The following GRID2 variants were observed in gnomAD, a reference collection of about 807,000 sequenced individuals.
The protein encoded by GRID2 is glutamate ionotropic receptor delta type subunit 2.
Under a neutral mutation model 114.8 loss-of-function variants are expected in GRID2, and 33 were observed. The observed-to-expected ratio is 0.29, with a 90% CI of 0.22 to 0.38. The LOEUF is 0.38. GRID2 is among the 10% of genes least tolerant of loss of function. The pLI, the probability that GRID2 is intolerant of heterozygous loss-of-function variation, is 1.00. For missense variants in GRID2, 1,184 were observed against 1,257.7 expected (o/e 0.94, Z 0.89); for synonymous variants, 505 against 449.9 (o/e 1.12, Z -1.55).
At chr4:92,445,931 C>T (rs1004508067) in intron 1 of GRID2, among the ~76,000 whole-genome samples, 2 of 151,862 alleles carry the variant, frequency 1.3e-5, no homozygotes, top group Admixed American at 6.6e-5. Context: ...CAGTATAAAA[C>T]TCTTATCTCA....
intron 4 of GRID2, among the ~76,000 whole-genome samples, chr4:93,142,437 A>C (rs1308720672): frequency 6.6e-6 from 1 of 152,140 alleles, no homozygotes; most frequent in East Asian, 1.9e-4. Flanking sequence ...CTGTCACCTC[A>C]TATGGCAGAC....
At chr4:92,532,404 C>G (rs1214177359) in intron 1 of GRID2, among the ~76,000 whole-genome samples, 1 of 152,138 alleles carries the variant, frequency 6.6e-6, no homozygotes, top group Non-Finnish European at 1.5e-5. Context: ...CTAGGCTAAA[C>G]AGAATTTCTC....
intron 1 of GRID2, among the ~76,000 whole-genome samples, chr4:92,554,442 A>C (rs1726752152): frequency 6.6e-6 from 1 of 152,136 alleles, no homozygotes; most frequent in South Asian, 2.1e-4. Flanking sequence ...CATTTTTTTC[A>C]AATTTATAGA....
chr4:92,664,929 G>A (rs989915500), intron 2 of GRID2, among the ~76,000 whole-genome samples: 2 of 147,790 alleles, frequency 1.4e-5, no homozygotes, highest in African/African-American at 2.5e-5. Flanking sequence ...TGGATCCAAA[G>A]TGAATCTTTA....
At chr4:92,778,159 T>C (rs1738895811) in intron 2 of GRID2, among the ~76,000 whole-genome samples, 1 of 152,128 alleles carries the variant, frequency 6.6e-6, no homozygotes, top group Non-Finnish European at 1.5e-5. Flanking sequence ...CCACTGACCT[T>C]ATGTTCCCAT....
chr4:93,077,460 T>C (rs912965764), intron 2 of GRID2, among the ~76,000 whole-genome samples: 2 of 152,212 alleles, frequency 1.3e-5, no homozygotes. Context: ...AAATATTCTG[T>C]CATTCATCCA....
At chr4:93,108,928 C>G (rs1029057319) in intron 3 of GRID2, among the ~76,000 whole-genome samples, 2 of 152,144 alleles carry the variant, frequency 1.3e-5, no homozygotes, top group Non-Finnish European at 2.9e-5. Context: ...CACACTGGGC[C>G]TCTGACATGT....
chr4:93,330,713 A>C (rs1027639234), intron 8 of GRID2, among the ~76,000 whole-genome samples: 41 of 152,094 alleles, frequency 2.7e-4, no homozygotes, highest in Admixed American at 7.2e-4. Flanking sequence ...GTCTGTATAC[A>C]CACAATTCCA....
At chr4:92,706,771 T>G (rs1734977701) in intron 2 of GRID2, among the ~76,000 whole-genome samples, 1 of 152,176 alleles carries the variant, frequency 6.6e-6, no homozygotes, top group South Asian at 2.1e-4. Flanking sequence ...CCAGCATACA[T>G]TTGGTGTGGT....
At chr4:92,865,758 G>A (rs556971206) in intron 2 of GRID2, among the ~76,000 whole-genome samples, 11 of 152,206 alleles carry the variant, frequency 7.2e-5, no homozygotes, top group Admixed American at 1.3e-4. Context: ...TAAATGGGAC[G>A]ACTGACTGAA....
chr4:92,694,434 C>T (rs558770299), intron 2 of GRID2, among the ~76,000 whole-genome samples: 8 of 152,268 alleles, frequency 5.3e-5, no homozygotes, highest in East Asian at 3.9e-4. Context: ...CTGTGTTCAG[C>T]GCTACAGGGC....
intron 2 of GRID2, among the ~76,000 whole-genome samples, chr4:92,642,561 T>C (rs1404033738): frequency 6.6e-6 from 1 of 151,932 alleles, no homozygotes; most frequent in Non-Finnish European, 1.5e-5. Context: ...TTTGCAGATA[T>C]GTTCTCTTGT....
intron 14 of GRID2, among the ~76,000 whole-genome samples, chr4:93,732,921 TA>T (rs67636690): frequency 0.42 from 54,340 of 130,222 alleles, 10,288 homozygotes; most frequent in East Asian, 0.72. Flanking sequence ...CTTTAAAAAA[TA>T]AAAAAAAAAA....
intron 13 of GRID2, among the ~76,000 whole-genome samples, chr4:93,602,960 A>C (rs546969951): frequency 6.4e-4 from 98 of 152,376 alleles, no homozygotes; most frequent in South Asian, 1.5e-3. Flanking sequence ...CTGTAATCCC[A>C]GCACTTTGGG....
At chr4:92,682,503 A>G (rs1229751758) in intron 2 of GRID2, among the ~76,000 whole-genome samples, 1 of 152,144 alleles carries the variant, frequency 6.6e-6, no homozygotes, top group Non-Finnish European at 1.5e-5. Flanking sequence ...GTATACTTCC[A>G]TTTCATATCT....
chr4:93,241,119 A>G (rs1747459538), intron 8 of GRID2, among the ~76,000 whole-genome samples: 1 of 151,878 alleles, frequency 6.6e-6, no homozygotes, highest in South Asian at 2.1e-4. Flanking sequence ...GTGGTATTAT[A>G]GTCTATAAAT....
chr4:92,939,638 C>T (rs1578537464), intron 2 of GRID2, among the ~76,000 whole-genome samples: 1 of 147,188 alleles, frequency 6.8e-6, no homozygotes, highest in African/African-American at 2.4e-5. Context: ...GAAGTCCTTG[C>T]CCATGCCTAT....
intron 2 of GRID2, among the ~76,000 whole-genome samples, chr4:92,878,432 A>G (rs1426887111): frequency 2.0e-5 from 3 of 152,224 alleles, no homozygotes; most frequent in South Asian, 4.1e-4. Flanking sequence ...GTTTGTTTAG[A>G]GTAATATTGG....
At position 92,600,044 on chromosome 4, in the gene GRID2, GTATATATATATA is replaced by G. The variant is rs70942915; in HGVS notation, c.244+9792_244+9803del. Among the ~76,000 whole-genome samples the G allele has an allele frequency of 4.2e-3, 231 of 54,436 alleles. 3 individuals are homozygous for G. Among genetic ancestry groups the G allele is most frequent in the East Asian group, 6.0e-3 (11 of 1,846 alleles). 35.7% of individuals were successfully genotyped at this position (54,436 alleles called of 152,430 possible). A position where few individuals can be genotyped will look rare whatever the true frequency, so the allele number is the denominator to read the frequency against. On this transcript the variant is annotated intron_variant, in intron 2 of 15. Coordinates refer to ENST00000282020, the MANE Select transcript of GRID2 (RefSeq NM_001510.4). ...CATGTATGTGTGTGTGTGTGTGTGT[GTATATATATATA>G]TATATATATATATATATATATATAT...
Sources: allele counts gnomAD v4.1 joint callset (sites outside exome capture counted in the v4.1 genomes callset), GRCh38; gene constraint gnomAD v4.1.1; transcripts MANE v1.5; gene names NCBI Gene and HGNC (gene_info 2026-07-23, HGNC 2026-07-21).